PLCG2: variants seen among roughly 807,000 people sequenced by gnomAD.
The protein encoded by PLCG2 is phospholipase C gamma 2, also known as 1-phosphatidylinositol 4,5-bisphosphate phosphodiesterase gamma-2.
PLCG2 carries 69 observed loss-of-function variants against 175.6 expected under a neutral mutation model. The observed-to-expected ratio is 0.39, with a 90% CI of 0.32 to 0.48. The LOEUF (loss-of-function observed/expected upper bound fraction) is 0.48, where lower values mean the gene tolerates loss of function less well. Among genes scored for constraint, PLCG2 ranks in the 20% least tolerant of loss-of-function variants. PLCG2 has a pLI of 0.91. For missense variants in PLCG2, 1,798 were observed against 1,650.9 expected (o/e 1.09, Z -1.54); for synonymous variants, 827 against 624.0 (o/e 1.33, Z -4.85).
chr16:81,787,295 C>G (rs932611107), intron 2 of PLCG2, among the ~76,000 whole-genome samples: 5 of 151,982 alleles, frequency 3.3e-5, no homozygotes, highest in African/African-American at 1.2e-4. Flanking sequence ...GATCATGGCT[C>G]ACTGCAGCCT....
intron 4 of PLCG2, among the ~76,000 whole-genome samples, chr16:81,858,691 C>T (rs1906810422): frequency 6.6e-6 from 1 of 152,118 alleles, no homozygotes; most frequent in African/African-American, 2.4e-5. Context: ...GATCAAAGGA[C>T]AGATACAGGG....
intron 8 of PLCG2, among the ~76,000 whole-genome samples, chr16:81,882,454 A>T (rs1410293344): frequency 1.3e-5 from 2 of 151,988 alleles, no homozygotes; most frequent in African/African-American, 4.8e-5. Context: ...GGAACTCTGG[A>T]TCGTGGCTTC....
In PLCG2 at chr16:81,956,874, C is replaced by A; in HGVS notation, c.3750C>A (p.Asn1250Lys). 2.5e-6 allele frequency: 4 copies of A among 1,613,042 alleles called. No individual in the cohort carries two copies. Among genetic ancestry groups the A allele is most frequent in the Non-Finnish European group, 2.5e-6 (3 of 1,179,270 alleles). ...TCCAGCTGTACCAGGAGAAATGCAA[C>A]AAGAGGTAGGTCAGCCCCTCCACCT... Reference protein sequence around the residue: ...NQLQLYQEKCNKRLREKRVSN... With the variant: ...NQLQLYQEKCKKRLREKRVSN... The change falls in exon 32 of 33, where the codon AAC becomes AAA. Residue 1250 changes from asparagine (N) to lysine (K), a missense_variant. By Grantham distance (94) the Asn-to-Lys change is moderately conservative. Coordinates refer to ENST00000564138, the MANE Select transcript of PLCG2 (RefSeq NM_002661.5).
intron 31 of PLCG2, among the ~76,000 whole-genome samples, chr16:81,955,483 C>G (rs1346745353): frequency 6.6e-6 from 1 of 152,170 alleles, no homozygotes; most frequent in Non-Finnish European, 1.5e-5. Flanking sequence ...GCATTGAAAC[C>G]CAAACTCCCT....
intron 2 of PLCG2, among the ~76,000 whole-genome samples, chr16:81,841,536 C>T (rs1015215066): frequency 2.0e-5 from 3 of 152,240 alleles, no homozygotes; most frequent in Non-Finnish European, 2.9e-5. Context: ...CCACTGCGCC[C>T]GGCTGTAAAC....
intron 31 of PLCG2, among the ~76,000 whole-genome samples, chr16:81,955,176 C>G (rs1376438250): frequency 6.6e-6 from 1 of 152,336 alleles, no homozygotes; most frequent in South Asian, 2.1e-4. Flanking sequence ...GAATAATCAT[C>G]TTCTGTCCCC....
At chr16:81,933,599 C>T (rs2143718875) in intron 25 of PLCG2, among the ~76,000 whole-genome samples, 1 of 150,850 alleles carries the variant, frequency 6.6e-6, no homozygotes, top group Middle Eastern at 3.4e-3. Context: ...GAGACAGAGT[C>T]TCACTCTGTT....
chr16:81,919,877 A>G (rs1909991450), intron 20 of PLCG2, among the ~76,000 whole-genome samples: 1 of 152,212 alleles, frequency 6.6e-6, no homozygotes, highest in Admixed American at 6.5e-5. Context: ...TAAAATATCC[A>G]TAGCATGTGC....
chr16:81,820,458 G>A (rs754102253), intron 2 of PLCG2, among the ~76,000 whole-genome samples: 3 of 152,204 alleles, frequency 2.0e-5, no homozygotes, highest in Non-Finnish European at 4.4e-5. Context: ...TTTGTGTGAT[G>A]TTCTCAAGGT....
chr16:81,951,979 T>C (rs1911383735), intron 31 of PLCG2, among the ~76,000 whole-genome samples: 1 of 152,162 alleles, frequency 6.6e-6, no homozygotes, highest in East Asian at 1.9e-4. Flanking sequence ...ATTTTTCTTG[T>C]ATTTATTGAA....
chr16:81,793,140 C>G (rs1250225960), intron 2 of PLCG2, among the ~76,000 whole-genome samples: 3 of 152,228 alleles, frequency 2.0e-5, no homozygotes, highest in Non-Finnish European at 4.4e-5. Context: ...CAACACCTCA[C>G]TTCCTGGCCT....
chr16:81,932,636 A>G (rs1034234293), intron 25 of PLCG2, among the ~76,000 whole-genome samples: 2 of 152,174 alleles, frequency 1.3e-5, no homozygotes, highest in Non-Finnish European at 2.9e-5. Flanking sequence ...AGGGCCTCAC[A>G]TCTTGGCCAG....
At chr16:81,874,949 T>TG (rs1907697923) in intron 7 of PLCG2, among the ~76,000 whole-genome samples, 1 of 56,440 alleles carries the variant, frequency 1.8e-5, no homozygotes, top group Non-Finnish European at 3.3e-5. Flanking sequence ...ATCCTATGTG[T>TG]TTTTTTTTTT....
intron 26 of PLCG2, chr16:81,935,566 C>T: frequency 1.0e-6 from 1 of 985,302 alleles, no homozygotes; most frequent in South Asian, 4.7e-5. Context: ...AATACTAGAC[C>T]CCTCAGTTAA....
chr16:81,939,427 G>C (rs1307098595), intron 29 of PLCG2, among the ~76,000 whole-genome samples: 2 of 152,198 alleles, frequency 1.3e-5, no homozygotes, highest in Non-Finnish European at 2.9e-5. Flanking sequence ...GTAGCCCAAT[G>C]AACAACTCAG....
rs1287373993 is a variant in PLCG2, at chr16:81,815,766, A to AGT, written c.193+29585_193+29586insTG. On this transcript the variant is annotated intron_variant, in intron 2 of 32. Coordinates refer to ENST00000564138, the MANE Select transcript of PLCG2 (RefSeq NM_002661.5). The stretch of plus-strand genomic sequence containing the variant: ...GTAGGTCTTAAGTGCGCTATAATTG[A>AGT]GCAGTCTTAAATGACCAGACACAGT... Among the ~76,000 whole-genome samples, 270 of 152,288 alleles carry AGT rather than the reference A, an allele frequency of 1.8e-3. 2 individuals carry two copies. Among genetic ancestry groups the AGT allele is most frequent in the African/African-American group, 6.2e-3 (258 of 41,554 alleles).
chr16:81,827,190 G>GTTTTTTTTTTTTT (rs368220809), intron 2 of PLCG2, among the ~76,000 whole-genome samples: 15 of 144,094 alleles, frequency 1.0e-4, no homozygotes, highest in South Asian at 2.2e-4. Context: ...GGATTGCTGG[G>GTTTTTTTTTTTTT]TTTTTTTTTT....
intron 2 of PLCG2, among the ~76,000 whole-genome samples, chr16:81,771,419 G>A (rs1340186126): frequency 6.6e-6 from 1 of 152,164 alleles, no homozygotes; most frequent in African/African-American, 2.4e-5. Flanking sequence ...CCTTGTTTTA[G>A]ACAAAGCTTC....
At chr16:81,840,887 A>G (rs1333490561) in intron 2 of PLCG2, among the ~76,000 whole-genome samples, 2 of 152,210 alleles carry the variant, frequency 1.3e-5, no homozygotes, top group African/African-American at 2.4e-5. Flanking sequence ...GAGGCTGAGT[A>G]TCCTCAGTTC....
Sources: gnomAD v4.1 joint callset for allele counts (sites outside exome capture counted in the v4.1 genomes callset) on GRCh38, gnomAD v4.1.1 for gene constraint, MANE v1.5 for transcripts, NCBI Gene and HGNC (gene_info 2026-07-23, HGNC 2026-07-21) for gene names.